PHACTR2: variants seen among roughly 807,000 people sequenced by gnomAD.
PHACTR2 encodes the protein phosphatase and actin regulator 2, also known as chromosome 6 open reading frame 56.
Under a neutral mutation model 76.0 loss-of-function variants are expected in PHACTR2, and 30 were observed. The ratio of observed to expected loss-of-function variants is 0.39; its 90% confidence interval spans 0.30 to 0.54. The LOEUF is 0.54. Among genes scored for constraint, PHACTR2 ranks in the 20% least tolerant of loss-of-function variants. The pLI is 0.61. For missense variants in PHACTR2, 696 were observed against 781.1 expected, an observed-to-expected ratio of 0.89 and a Z score of 1.30; for synonymous variants, 292 against 292.5, an observed-to-expected ratio of 1.00 and a Z score of 0.02.
intron 1 of PHACTR2, among the ~76,000 whole-genome samples, chr6:143,555,888 C>T (rs1041978085): frequency 2.0e-5 from 3 of 150,470 alleles, no homozygotes; most frequent in Non-Finnish European, 3.0e-5. Flanking sequence ...TAATCACCAC[C>T]GACACAAAAG....
chr6:143,793,320 A>T lies in PHACTR2; in HGVS notation c.1845+4410A>T, dbSNP rs150963822. ...AAATGGGATTTTGTTCTGGACTTCT[A>T]GGTTGCAGGGGAAAGGTACATGACC... On this transcript the variant is annotated intron_variant, in intron 11 of 12. Coordinates refer to ENST00000440869, the MANE Select transcript of PHACTR2 (RefSeq NM_001100164.2). The surrounding 1 kb of genome is among the most constrained non-coding windows in gnomAD (Gnocchi z 4.4). Among the ~76,000 whole-genome samples the T allele has an allele frequency of 4.0e-3, 604 of 151,934 alleles. 9 individuals carry two copies. The highest frequency in any genetic ancestry group is 0.014 in the African/African-American group (560 of 41,430).
At chr6:143,724,618 AG>A (rs1287151426) in intron 2 of PHACTR2, among the ~76,000 whole-genome samples, 2 of 152,194 alleles carry the variant, frequency 1.3e-5, no homozygotes, top group African/African-American at 4.8e-5. Context: ...ACACAGTCCC[AG>A]ACCATGGGGT....
At chr6:143,630,896 T>A (rs745767534) in intron 1 of PHACTR2, among the ~76,000 whole-genome samples, 1 of 152,328 alleles carries the variant, frequency 6.6e-6, no homozygotes, top group Non-Finnish European at 1.5e-5. Flanking sequence ...AAAAAGTCAT[T>A]CCTAGGTCTT....
In PHACTR2 at chr6:143,654,393, T is replaced by G. The variant is rs1305677567; in HGVS notation, c.13+46071T>G. ...ATTCACCAGAAACTTGTTTATGAAG[T>G]GCAGAGCAGCATTATTCTTAACAGC... is the stretch of plus-strand genomic sequence containing the variant. On this transcript the variant is annotated intron_variant, in intron 1 of 11. Coordinates refer to the PHACTR2 transcript ENST00000305766. This position sits in a 1 kb window ranked among gnomAD's most constrained non-coding sequence, Gnocchi z 4.6. Among the ~76,000 whole-genome samples the G allele has an allele frequency of 3.3e-5, 5 of 152,184 alleles. No homozygotes were observed. The highest frequency in any genetic ancestry group is 1.3e-4 in the Admixed American group (2 of 15,282).
At chr6:143,670,888 C>G (rs912108609) in intron 1 of PHACTR2, among the ~76,000 whole-genome samples, 2 of 151,646 alleles carry the variant, frequency 1.3e-5, no homozygotes, top group Non-Finnish European at 2.9e-5. Flanking sequence ...CCCTTGCTGG[C>G]GAGGAGTTCT....
chr6:143,643,198 T>G (rs79470096), intron 1 of PHACTR2, among the ~76,000 whole-genome samples: 1 of 152,188 alleles, frequency 6.6e-6, no homozygotes. Flanking sequence ...GTCTTTTTTT[T>G]GCAAAAAATA....
chr6:143,542,276 A>G (rs780642298), intron 1 of PHACTR2, among the ~76,000 whole-genome samples: 15 of 152,072 alleles, frequency 9.9e-5, no homozygotes, highest in Non-Finnish European at 1.9e-4. Flanking sequence ...TGGGCTTCTC[A>G]TCTACCCAGG....
rs936422434 is a variant in PHACTR2 at position 143,547,450 on chromosome 6, A to G, written c.217+10243A>G. On this transcript the variant is annotated intron_variant, in intron 1 of 11. Coordinates refer to the PHACTR2 transcript ENST00000367584. The surrounding 1 kb of genome is among the most constrained non-coding windows in gnomAD (Gnocchi z 4.2). ...ACATTACTTTATAGTAACACTGCGT[A>G]CCTCCAAAATATATAACCACACAAG... Among the ~76,000 whole-genome samples the G allele has an allele frequency of 2.0e-5, 3 of 152,180 alleles. No homozygotes were observed. Among genetic ancestry groups the G allele is most frequent in the African/African-American group, 7.2e-5 (3 of 41,438 alleles).
At chr6:143,732,780 T>C (rs187744128) in intron 2 of PHACTR2, among the ~76,000 whole-genome samples, 6 of 152,332 alleles carry the variant, frequency 3.9e-5, no homozygotes, top group Non-Finnish European at 8.8e-5. Flanking sequence ...CTAATTTCTC[T>C]ACACTCCAGC....
Position 143,777,794 on chromosome 6 carries a change from T to G in PHACTR2, c.1645+411T>G, listed in dbSNP as rs1434870914. Among the ~76,000 whole-genome samples the G allele has an allele frequency of 6.6e-6, 1 of 152,234 alleles. No individual in the cohort carries two copies. Among genetic ancestry groups the G allele is most frequent in the Non-Finnish European group, 1.5e-5 (1 of 68,042 alleles). On this transcript the variant is annotated intron_variant, in intron 9 of 12. Transcript: ENST00000440869. This position sits in a 1 kb window ranked among gnomAD's most constrained non-coding sequence, Gnocchi z 4.6. ...TATTATTATTAACAATACAGTTTGT[T>G]GCTAGTTTAACAAATGGCTCAATTC... is the stretch of plus-strand genomic sequence containing the variant.
At chr6:143,752,380 G>A (rs1410858848) in intron 3 of PHACTR2, among the ~76,000 whole-genome samples, 1 of 151,674 alleles carries the variant, frequency 6.6e-6, no homozygotes, top group Non-Finnish European at 1.5e-5. Context: ...CCTTTTTATA[G>A]CTAATTTCTT....
chr6:143,719,349 CT>C (rs34643788), intron 2 of PHACTR2, among the ~76,000 whole-genome samples: 2,256 of 86,922 alleles, frequency 0.026, 26 homozygotes, highest in African/African-American at 0.085. Context: ...TTCGACACTT[CT>C]TTTTTTTTTT....
At position 143,678,045 on chromosome 6, in the gene PHACTR2, G is replaced by T; in HGVS notation, c.-119G>T. 1 of 1,522,750 alleles carries T rather than the reference G, an allele frequency of 6.6e-7. No homozygotes were observed. The highest frequency in any genetic ancestry group is 8.8e-7 in the Non-Finnish European group (1 of 1,132,146). 94.3% of individuals were successfully genotyped at this position (1,522,750 alleles called of 1,614,324 possible). A position where few individuals can be genotyped will look rare whatever the true frequency, so the allele number is the denominator to read the frequency against. On this transcript the variant is annotated 5_prime_UTR_variant, in exon 1 of 13. Transcript: ENST00000440869. This position sits in a 1 kb window ranked among gnomAD's most constrained non-coding sequence, Gnocchi z 6.2. ...CGCGGGGTAGAAGGTGAGGGGACCC[G>T]GCGGGCCGCTCGGCACAGGCCGGGA... is the stretch of plus-strand genomic sequence containing the variant.
chr6:143,568,095 T>A (rs536024690), intron 1 of PHACTR2, among the ~76,000 whole-genome samples: 7 of 152,276 alleles, frequency 4.6e-5, no homozygotes, highest in African/African-American at 1.4e-4. Context: ...TCCTTTACCT[T>A]GATTTTTTTA....
intron 1 of PHACTR2, among the ~76,000 whole-genome samples, chr6:143,640,540 C>T (rs1776546909): frequency 3.9e-5 from 6 of 152,202 alleles, no homozygotes; most frequent in Admixed American, 3.9e-4. Context: ...AAGCAGACCT[C>T]ACAGAACCAG....
Position 143,582,315 on chromosome 6 carries a change from C to A in PHACTR2, c.217+45108C>A, listed in dbSNP as rs557279702. On this transcript the variant is annotated intron_variant, in intron 1 of 11. Coordinates refer to the PHACTR2 transcript ENST00000367584. Reference sequence around the variant, plus strand: ...ATTACAAAATACCCTAGGAAACACGCCACTAGGAGAGTGAGTCAGAAGGAA... The same window carrying A: ...ATTACAAAATACCCTAGGAAACACGACACTAGGAGAGTGAGTCAGAAGGAA... Among the ~76,000 whole-genome samples, 7 of 152,070 alleles carry A rather than the reference C, an allele frequency of 4.6e-5. No homozygotes were observed. The East Asian group carries it at 1.4e-3, about 29-fold the overall frequency.
rs1213160018 is a variant in PHACTR2 at position 143,621,668 on chromosome 6, T to G, written c.13+13346T>G. On this transcript the variant is annotated intron_variant, in intron 1 of 11. Coordinates refer to the PHACTR2 transcript ENST00000305766. The surrounding 1 kb of genome is among the most constrained non-coding windows in gnomAD (Gnocchi z 4.1). ...GCTGAGCCTGTTCTACCTGCTGGTA[T>G]GGGGCCTTGGGCATATCCATGAGCC... Among the ~76,000 whole-genome samples the G allele has an allele frequency of 6.6e-6, 1 of 152,232 alleles. No homozygotes were observed. The highest frequency in any genetic ancestry group is 2.4e-5 in the African/African-American group (1 of 41,468).
chr6:143,757,963 GCACACA>G lies in PHACTR2; in HGVS notation c.455-2417_455-2412del, dbSNP rs1184706755. 3.0e-5 allele frequency among the ~76,000 whole-genome samples: 4 copies of G among 131,542 alleles called. No individual in the cohort carries two copies. Among genetic ancestry groups the G allele is most frequent in the Non-Finnish European group, 3.3e-5 (2 of 60,348 alleles). 86.3% of individuals were successfully genotyped at this position (131,542 alleles called of 152,430 possible). ...CGTGTGTGTGCATGCACACGTGCGCGCACACACACACACACACACACACACATAACT... is the reference window on the plus strand; with the variant it reads ...CGTGTGTGTGCATGCACACGTGCGCGCACACACACACACACACACATAACT... On this transcript the variant is annotated intron_variant, in intron 4 of 12. Transcript: ENST00000440869. The surrounding 1 kb of genome is among the most constrained non-coding windows in gnomAD (Gnocchi z 4.2).
Position 143,826,677 on chromosome 6 carries a change from C to T in PHACTR2, c.*2988C>T, listed in dbSNP as rs547948493. ...ATCTTCATGGTCATTACCAATCAGT[C>T]TGACAAAATAGTTCTCTGGTAGTCA... On this transcript the variant is annotated 3_prime_UTR_variant, in exon 13 of 13. Coordinates refer to ENST00000440869, the MANE Select transcript of PHACTR2 (RefSeq NM_001100164.2). 2 of 152,274 alleles carry T rather than the reference C, an allele frequency of 1.3e-5. No homozygotes were observed. Among genetic ancestry groups the T allele is most frequent in the South Asian group, 4.1e-4 (2 of 4,824 alleles). The allele number at this position is 152,274 out of a possible 1,614,324, so 9.4% of individuals were successfully genotyped here.
Sources: gnomAD v4.1 joint callset for allele counts (sites outside exome capture counted in the v4.1 genomes callset) on GRCh38, gnomAD v4.1.1 for gene constraint, Gnocchi (gnomAD v3.1) non-coding constraint, MANE v1.5 for transcripts, NCBI Gene and HGNC (gene_info 2026-07-23, HGNC 2026-07-21) for gene names.